Variants in DNAH1 observed in about 807,000 individuals in gnomAD.
DNAH1 encodes dynein axonemal heavy chain 1, also known as axonemal beta dynein heavy chain 1.
DNAH1 carries 327 observed loss-of-function variants against 484.3 expected under a neutral mutation model. That is an observed-to-expected ratio of 0.68 (90% CI 0.62 to 0.74). The LOEUF (loss-of-function observed/expected upper bound fraction) is 0.74. DNAH1 is among the 30% of genes least tolerant of loss of function. The pLI is 0.00. For synonymous variants in DNAH1, 2,192 were observed against 2,191.9 expected (o/e 1.00, Z 0.00); for missense variants, 5,052 against 5,546.8 (o/e 0.91, Z 2.83).
At position 52,364,724 on chromosome 3, in the gene DNAH1, G is replaced by A. The variant is rs1702998937; in HGVS notation, c.5331G>A (p.Glu1777=). ...AGCGAGAAAACCCCAGCATGAATGA[G>A]GTGAGCTCCACCCAGCAGGGCTCCA... ...NLKRENPSMN[E]ELICLRAIRD... is the part of the protein sequence containing the mutation. Residue 1777 remains glutamate (E), a splice_region_variant and synonymous_variant, in exon 33 of 78, where the codon GAG becomes GAA. Transcript: ENST00000420323. The surrounding 1 kb of genome is among the most constrained non-coding windows in gnomAD (Gnocchi z 4.2). 4 of 1,612,732 alleles carry A rather than the reference G, an allele frequency of 2.5e-6. No individual in the cohort carries two copies. The highest frequency in any genetic ancestry group is 3.4e-6 in the Non-Finnish European group (4 of 1,179,274).
chr3:52,349,128 G>A (rs771236349), intron 13 of DNAH1, 47 bp downstream of exon 13: 56 of 1,612,424 alleles, frequency 3.5e-5, no homozygotes, highest in Non-Finnish European at 4.5e-5. Flanking sequence ...GTGTGTTTGT[G>A]CATGTGTATC....
At chr3:52,322,826 C>A (rs74789062) in intron 2 of DNAH1, 51 bp downstream of exon 2, 24 of 1,467,628 alleles carry the variant, frequency 1.6e-5, no homozygotes, top group Non-Finnish European at 2.2e-5. Context: ...CTCTGGGCTC[C>A]GTTCACCCAT....
Position 52,370,561 on chromosome 3 carries a change from G to A in DNAH1, c.6343G>A (p.Val2115Met), listed in dbSNP as rs559404563. ...PWFIFSLIWS[V>M]GATGDSSGRT... Reference sequence around the variant, plus strand: ...GTTCATCTTCTCCCTGATCTGGAGCGTGGGTGCCACTGGGGACAGCAGTGG... The same window carrying A: ...GTTCATCTTCTCCCTGATCTGGAGCATGGGTGCCACTGGGGACAGCAGTGG... Residue 2115 changes from valine (V) to methionine (M), a missense_variant, in exon 40 of 78, where the codon GTG becomes ATG. By Grantham distance (21) the Val-to-Met change is conservative (BLOSUM62 1). Around this residue, in one of 4 missense-constraint regions of DNAH1, gnomAD observed 2,929 missense variants for 3,409.4 expected, o/e 0.86. Coordinates refer to ENST00000420323, the MANE Select transcript of DNAH1 (RefSeq NM_015512.5). 3.9e-5 allele frequency: 63 copies of A among 1,613,846 alleles called. No homozygotes were observed. Among genetic ancestry groups the A allele is most frequent in the African/African-American group, 1.9e-4 (14 of 75,034 alleles).
intron 45 of DNAH1, 46 bp from the exon 46 acceptor site, chr3:52,375,909 A>G: frequency 6.2e-7 from 1 of 1,605,896 alleles, no homozygotes; most frequent in Non-Finnish European, 8.5e-7. Flanking sequence ...GAGCAGCAAG[A>G]GGTCCACCTA....
intron 65 of DNAH1, 82 bp from the exon 66 acceptor site, chr3:52,393,252 G>T: frequency 6.3e-7 from 1 of 1,588,876 alleles, no homozygotes. Flanking sequence ...GGCTGCTGGG[G>T]AGACTGGCTA....
At position 52,326,998 on chromosome 3, in the gene DNAH1, C is replaced by T. The variant is rs1390656033; in HGVS notation, c.738+107C>T. The T allele has an allele frequency of 2.9e-6, 4 of 1,382,014 alleles. No homozygotes were observed. In the South Asian group the frequency reaches 4.4e-5, roughly 15 times the overall value. 85.6% of individuals were successfully genotyped at this position (1,382,014 alleles called of 1,614,324 possible). ...AGGGGATTCCCCCACCAGTCACCAG[C>T]ACACTCTTGTCAAACAGGGCAGGTC... is the stretch of plus-strand genomic sequence containing the variant. On this transcript the variant is annotated intron_variant, in intron 5 of 77. Coordinates refer to ENST00000420323, the MANE Select transcript of DNAH1 (RefSeq NM_015512.5).
intron 64 of DNAH1, 21 bp from the exon 65 acceptor site, chr3:52,392,809 C>T: frequency 3.3e-6 from 2 of 605,578 alleles, no homozygotes; most frequent in Non-Finnish European, 6.0e-6. Context: ...TGACCCCTCC[C>T]CCCACCCACT....
At chr3:52,367,032 C>T (rs1703111915) in intron 36 of DNAH1, 145 bp downstream of exon 36, 2 of 1,020,514 alleles carry the variant, frequency 2.0e-6, no homozygotes, top group South Asian at 3.5e-5. Context: ...CATTCTACTT[C>T]CTCGCTGAGT....
intron 66 of DNAH1, among the ~76,000 whole-genome samples, chr3:52,394,082 C>G (rs1239676300): frequency 6.6e-6 from 1 of 152,230 alleles, no homozygotes; most frequent in Non-Finnish European, 1.5e-5. Context: ...TGGCCAGGAA[C>G]TCACACTCTC....
At position 52,357,778 on chromosome 3, in the gene DNAH1, A is replaced by G. The variant is rs373141847; in HGVS notation, c.3980+43A>G. The G allele has an allele frequency of 1.7e-4, 270 of 1,572,916 alleles. 1 individual carries two copies. In the African/African-American group the frequency reaches 3.4e-3, roughly 20 times the overall value. On this transcript the variant is annotated intron_variant, in intron 23 of 77. Transcript: ENST00000420323. ...ATGCCCACTCCGCCACTGTCTGCCC[A>G]CAAGGCTGAGGTGTCCAGGGCCCTG...
At chr3:52,388,361 G>A in intron 57 of DNAH1, 27 bp downstream of exon 57, 1 of 1,599,934 alleles carries the variant, frequency 6.3e-7, no homozygotes, top group Non-Finnish European at 8.5e-7. Context: ...GCTGGTGGGG[G>A]AGGGCTCCCC....
Position 52,380,701 on chromosome 3 carries a change from A to C in DNAH1, c.7608+566A>C, listed in dbSNP as rs75661957. Among the ~76,000 whole-genome samples, 726 of 152,302 alleles carry C rather than the reference A, an allele frequency of 4.8e-3. 2 individuals carry two copies. Among genetic ancestry groups the C allele is most frequent in the Middle Eastern group, 0.01 (3 of 294 alleles). On this transcript the variant is annotated intron_variant, in intron 48 of 77. Coordinates refer to ENST00000420323, the MANE Select transcript of DNAH1 (RefSeq NM_015512.5). The stretch of plus-strand genomic sequence containing the variant: ...AAGGCCCAGCGTCCCCACCATGCAC[A>C]GGAGGAACAGGGTATGCTGTGGCAG...
In DNAH1 at chr3:52,388,211, C is replaced by G; in HGVS notation, c.9048C>G (p.Ile3016Met). Residue 3016 changes from isoleucine (I) to methionine (M), a missense_variant, in exon 57 of 78, where the codon ATC (isoleucine) becomes ATG (methionine). Transcript: ENST00000420323. ...TGATCAAAGCCATCCAGCCGTACAT[C>G]GATAATGAAGAGTTCCAGCCAGCCA... ...DVVIKAIQPY[I>M]DNEEFQPATI... 6.2e-7 allele frequency: 1 copy of G among 1,609,576 alleles called. No individual in the cohort carries two copies. The highest frequency in any genetic ancestry group is 1.7e-5 in the Admixed American group (1 of 59,440).
Position 52,358,681 on chromosome 3 carries a change from A to G in DNAH1, c.4210A>G (p.Ser1404Gly), listed in dbSNP as rs1465120799. ...VEDWLREVER[S>G]MKASVHDIIE... is the part of the protein sequence containing the mutation. Reference sequence around the variant, plus strand: ...GGACTGGCTGCGGGAGGTGGAGCGCAGCATGAAGGCCAGTGTGCACGACAT... The same window carrying G: ...GGACTGGCTGCGGGAGGTGGAGCGCGGCATGAAGGCCAGTGTGCACGACAT... Residue 1404 changes from serine to glycine, a missense_variant, in exon 25 of 78, where the codon AGC becomes GGC. By Grantham distance (56) the Ser-to-Gly change is moderately conservative. Transcript: ENST00000420323. The surrounding 1 kb of genome is among the most constrained non-coding windows in gnomAD (Gnocchi z 4.2). 6.2e-7 allele frequency: 1 copy of G among 1,613,066 alleles called. No homozygotes were observed. The highest frequency in any genetic ancestry group is 8.5e-7 in the Non-Finnish European group (1 of 1,179,752).
chr3:52,342,729 A>G, intron 8 of DNAH1, among the ~76,000 whole-genome samples: 1 of 152,178 alleles, frequency 6.6e-6, no homozygotes, highest in Admixed American at 6.5e-5. Context: ...GTTCAGAGAC[A>G]AGGAGGCTAG....
At position 52,375,226 on chromosome 3, in the gene DNAH1, T is replaced by C; in HGVS notation, c.6986-14T>C. 6.3e-7 allele frequency: 1 copy of C among 1,592,124 alleles called. No individual in the cohort carries two copies. The highest frequency in any genetic ancestry group is 8.6e-7 in the Non-Finnish European group (1 of 1,168,488). On this transcript the variant is annotated splice_polypyrimidine_tract_variant and intron_variant, in intron 44 of 77. Coordinates refer to ENST00000420323, the MANE Select transcript of DNAH1 (RefSeq NM_015512.5). ...CTGGCCAGGGCCCTTCCTGACTTCC[T>C]GCCCCTACTCCAGGTGCCTTCAAGA... is the stretch of plus-strand genomic sequence containing the variant.
rs1702157435 is a variant in DNAH1, at chr3:52,346,686, A to G, written c.1871A>G (p.Gln624Arg). 1.2e-6 allele frequency: 2 copies of G among 1,614,046 alleles called. No individual in the cohort carries two copies. Among genetic ancestry groups the G allele is most frequent in the Non-Finnish European group, 1.7e-6 (2 of 1,179,898 alleles). ...LVQDSLASFSQFISDTCCSVL... is the reference protein window; with the variant it reads ...LVQDSLASFSRFISDTCCSVL... ...CAGGACTCACTTGCCAGCTTCTCAC[A>G]GTTCATCAGCGACACCTGTTGCAGC... Residue 624 changes from glutamine to arginine, a missense_variant, in exon 11 of 78, where the codon CAG becomes CGG. Transcript: ENST00000420323.
At chr3:52,382,295 C>T in intron 49 of DNAH1, 25 bp from the exon 50 acceptor site, 2 of 1,613,974 alleles carry the variant, frequency 1.2e-6, no homozygotes, top group Non-Finnish European at 1.7e-6. Context: ...CCCTGGCATG[C>T]TTCAACCCAA....
chr3:52,392,702 C>T lies in DNAH1; in HGVS notation c.10278+13C>T. 1.3e-6 allele frequency: 2 copies of T among 1,586,470 alleles called. No individual in the cohort carries two copies. The highest frequency in any genetic ancestry group is 1.7e-6 in the Non-Finnish European group (2 of 1,166,592). ...TGCTGAGATCCAGGTCAGCTGCTGCCTGCCCACCCACCTGCCCCGGGAGTG... is the reference window on the plus strand; with the variant it reads ...TGCTGAGATCCAGGTCAGCTGCTGCTTGCCCACCCACCTGCCCCGGGAGTG... On this transcript the variant is annotated intron_variant, in intron 64 of 77. Coordinates refer to ENST00000420323, the MANE Select transcript of DNAH1 (RefSeq NM_015512.5).
Sources: gnomAD v4.1 joint callset for allele counts (sites outside exome capture counted in the v4.1 genomes callset) on GRCh38, gnomAD v4.1.1 for gene constraint, gnomAD v4.1.1 regional missense constraint, Gnocchi (gnomAD v3.1) non-coding constraint, MANE v1.5 for transcripts, NCBI Gene and HGNC (gene_info 2026-07-23, HGNC 2026-07-21) for gene names.